Variants in LMAN2L observed in about 807,000 individuals in gnomAD.
LMAN2L encodes lectin, mannose binding 2 like.
Under a neutral mutation model 44.3 loss-of-function variants are expected in LMAN2L, and 30 were observed. The ratio of observed to expected loss-of-function variants is 0.68; its 90% CI spans 0.51 to 0.92. The LOEUF (loss-of-function observed/expected upper bound fraction) is 0.92. Ranked by LOEUF, LMAN2L falls within the 40% of genes least tolerant of loss-of-function variation. The pLI is 0.00. For missense variants in LMAN2L, 429 were observed against 446.1 expected (o/e 0.96, Z 0.35); for synonymous variants, 183 against 171.1 (o/e 1.07, Z -0.54).
chr2:96,720,006 G>A (rs528573538), intron 4 of LMAN2L, among the ~76,000 whole-genome samples: 2 of 151,934 alleles, frequency 1.3e-5, no homozygotes, highest in South Asian at 2.1e-4. Context: ...CATCCTGGGC[G>A]ATAGAATGCA....
Position 96,707,498 on chromosome 2 carries a change from T to A in LMAN2L, c.905-100A>T. ...CCGGCCCCCAGTTTCTGACACCTAC[T>A]TCTGGGAAGCCAGAGCTTAGACCCC... is the stretch of plus-strand genomic sequence containing the variant. On this transcript the variant is annotated intron_variant, in intron 7 of 7. Coordinates refer to ENST00000264963, the MANE Select transcript of LMAN2L (RefSeq NM_030805.4). The A allele has an allele frequency of 1.2e-5, 16 of 1,388,958 alleles. No individual in the cohort carries two copies. The South Asian group carries it at 2.3e-4, about 20-fold the overall frequency. 86.0% of individuals were successfully genotyped at this position (1,388,958 alleles called of 1,614,324 possible).
chr2:96,727,371 A>C (rs7568206), intron 4 of LMAN2L, among the ~76,000 whole-genome samples: 19,449 of 152,050 alleles, frequency 0.13, 2,013 homozygotes, highest in African/African-American at 0.28. Flanking sequence ...GTGGCTCATG[A>C]CTGTAATCCT....
At chr2:96,736,869 C>T (rs1025927869) in intron 2 of LMAN2L, among the ~76,000 whole-genome samples, 2 of 152,092 alleles carry the variant, frequency 1.3e-5, no homozygotes, top group South Asian at 4.1e-4. Context: ...AAAATGAGCT[C>T]GGCACTATGA....
chr2:96,715,486 AT>A (rs1038610701), intron 4 of LMAN2L, among the ~76,000 whole-genome samples: 50 of 152,212 alleles, frequency 3.3e-4, no homozygotes, highest in African/African-American at 1.1e-3. Context: ...CACAGGAGCA[AT>A]TTTGTTTTTC....
intron 4 of LMAN2L, among the ~76,000 whole-genome samples, chr2:96,719,311 A>T (rs2078102712): frequency 6.6e-6 from 1 of 152,072 alleles, no homozygotes; most frequent in South Asian, 2.1e-4. Context: ...GAAAAGAACT[A>T]ACCCAGGAAT....
At position 96,732,368 on chromosome 2, in the gene LMAN2L, G is replaced by A. The variant is rs370399286; in HGVS notation, c.507+1151C>T. 8.6e-5 allele frequency among the ~76,000 whole-genome samples: 13 copies of A among 151,446 alleles called. No homozygotes were observed. In the East Asian group the frequency reaches 1.2e-3, roughly 14 times the overall value. The stretch of plus-strand genomic sequence containing the variant: ...CTGTCAATATAAGAAAGCAATAGCC[G>A]GGCATGGTGACTCACGCCTGTAATC... On this transcript the variant is annotated intron_variant, in intron 4 of 7. Coordinates refer to ENST00000264963, the MANE Select transcript of LMAN2L (RefSeq NM_030805.4).
In LMAN2L at chr2:96,733,711, T is replaced by C. The variant is rs74498851; in HGVS notation, c.425-110A>G. The C allele has an allele frequency of 9.9e-4, 813 of 821,536 alleles. 3 individuals are homozygous for C. In the African/African-American group the frequency reaches 0.012, roughly 12 times the overall value. The allele number at this position is 821,536 out of a possible 1,614,324, so 50.9% of individuals were successfully genotyped here. On this transcript the variant is annotated intron_variant, in intron 3 of 7. Transcript: ENST00000264963. ...GTAAAATTCAAATGACTCCCAAGCCTCTCTCAAGATGAGAAAACACATGTT... is the reference window on the plus strand; with the variant it reads ...GTAAAATTCAAATGACTCCCAAGCCCCTCTCAAGATGAGAAAACACATGTT...
chr2:96,735,878 T>C (rs1233969010), intron 2 of LMAN2L, among the ~76,000 whole-genome samples: 1 of 147,172 alleles, frequency 6.8e-6, no homozygotes, highest in Non-Finnish European at 1.5e-5. Flanking sequence ...CCAGGCACAG[T>C]AGTTCACGCC....
At chr2:96,708,716 G>A (rs1413506452) in intron 6 of LMAN2L, among the ~76,000 whole-genome samples, 1 of 151,996 alleles carries the variant, frequency 6.6e-6, no homozygotes, top group Non-Finnish European at 1.5e-5. Context: ...GCACAGCTAT[G>A]GGCATGGGAT....
intron 4 of LMAN2L, among the ~76,000 whole-genome samples, chr2:96,721,220 G>C (rs1037413584): frequency 2.0e-5 from 3 of 152,094 alleles, no homozygotes; most frequent in African/African-American, 2.4e-5. Context: ...ATATGCATGG[G>C]ATCATACAAT....
chr2:96,707,487 C>T, intron 7 of LMAN2L, 89 bp from the exon 8 acceptor site: 2 of 1,422,284 alleles, frequency 1.4e-6, no homozygotes, highest in Non-Finnish European at 1.9e-6. Context: ...CCCCCAGTTT[C>T]TGACACCTAC....
chr2:96,707,250 G>T lies in LMAN2L; in HGVS notation c.*6C>A. The T allele has an allele frequency of 6.2e-7, 1 of 1,613,598 alleles. No homozygotes were observed. Among genetic ancestry groups the T allele is most frequent in the Non-Finnish European group, 8.5e-7 (1 of 1,179,678 alleles). On this transcript the variant is annotated 3_prime_UTR_variant, in exon 8 of 8. Transcript: ENST00000264963. ...ACAGTCACAAAAGTGGTGGCAGCAG[G>T]AGGGCTCAGTAGAAGCGCTTTCGGC... is the stretch of plus-strand genomic sequence containing the variant.
At chr2:96,710,948 G>C (rs941429896) in intron 6 of LMAN2L, among the ~76,000 whole-genome samples, 8 of 152,182 alleles carry the variant, frequency 5.3e-5, no homozygotes, top group Admixed American at 1.3e-4. Context: ...GTATAAACGA[G>C]AAGCTACGAA....
intron 4 of LMAN2L, among the ~76,000 whole-genome samples, chr2:96,728,532 C>T (rs914530922): frequency 4.8e-5 from 7 of 145,148 alleles, no homozygotes; most frequent in Non-Finnish European, 9.0e-5. Flanking sequence ...AGAAATTGCA[C>T]AGGACAGCAT....
At chr2:96,727,745 G>A (rs1010977996) in intron 4 of LMAN2L, among the ~76,000 whole-genome samples, 1 of 152,158 alleles carries the variant, frequency 6.6e-6, no homozygotes, top group Admixed American at 6.5e-5. Context: ...TGTTCCACAC[G>A]CCCTCCTACC....
In LMAN2L at chr2:96,709,199, G is replaced by C. The variant is rs1156726805; in HGVS notation, c.785-1366C>G. Among the ~76,000 whole-genome samples, 3 of 152,072 alleles carry C rather than the reference G, an allele frequency of 2.0e-5. No individual in the cohort carries two copies. In the East Asian group the frequency reaches 5.8e-4, roughly 29 times the overall value. The stretch of plus-strand genomic sequence containing the variant: ...GCCTCCCAAAGTGCTGGCATTACAG[G>C]CGTGAGCCACCGCGCCTGGCCTGAA... On this transcript the variant is annotated intron_variant, in intron 6 of 7. Coordinates refer to ENST00000264963, the MANE Select transcript of LMAN2L (RefSeq NM_030805.4).
chr2:96,711,776 A>G lies in LMAN2L; in HGVS notation c.670-6T>C. The G allele has an allele frequency of 4.3e-6, 7 of 1,613,494 alleles. No homozygotes were observed. The highest frequency in any genetic ancestry group is 5.9e-6 in the Non-Finnish European group (7 of 1,179,382). On this transcript the variant is annotated splice_region_variant and splice_polypyrimidine_tract_variant and intron_variant, in intron 5 of 7. Transcript: ENST00000264963. ...CCATCAATATCCATCATTATCTAGA[A>G]TAAAAAGAGAGATAAATCAGGGTCA...
chr2:96,726,556 G>A (rs1012280796), intron 4 of LMAN2L, among the ~76,000 whole-genome samples: 1 of 152,046 alleles, frequency 6.6e-6, no homozygotes, highest in African/African-American at 2.4e-5. Context: ...GCCGAGATGG[G>A]CAGATCACCT....
At chr2:96,712,112 A>G (rs761182264) in intron 4 of LMAN2L, 87 bp from the exon 5 acceptor site, 1 of 1,374,430 alleles carries the variant, frequency 7.3e-7, no homozygotes, top group African/African-American at 1.4e-5. Flanking sequence ...AGCACATACA[A>G]GTTGAGCCCC....
Sources: allele counts gnomAD v4.1 joint callset (sites outside exome capture counted in the v4.1 genomes callset), GRCh38; gene constraint gnomAD v4.1.1; transcripts MANE v1.5; gene names NCBI Gene and HGNC (gene_info 2026-07-23, HGNC 2026-07-21).